SCAF4: variants seen among roughly 807,000 people sequenced by gnomAD.
SCAF4 encodes the protein SR-related and CTD-associated factor 4.
SCAF4 carries 25 observed loss-of-function variants against 129.8 expected under a neutral mutation model. The observed-to-expected ratio is 0.19, with a 90% CI of 0.14 to 0.27. The LOEUF is 0.27. Ranked by LOEUF, SCAF4 falls within the 10% of genes least tolerant of loss-of-function variation. The probability of loss-of-function intolerance (pLI) is 1.00; values close to 1 mark genes in which losing one functional copy is unlikely to be tolerated. For missense variants in SCAF4, 1,246 were observed against 1,457.1 expected (o/e 0.86, Z 2.36); for synonymous variants, 551 against 497.7 (o/e 1.11, Z -1.43).
At chr21:31,706,207 G>A in intron 2 of SCAF4, 67 bp downstream of exon 2, 1 of 1,081,872 alleles carries the variant, frequency 9.2e-7, no homozygotes, top group Admixed American at 2.3e-5. Flanking sequence ...GACTTCTCAT[G>A]TTTAAAAGTA....
chr21:31,707,932 C>G (rs2050706163), intron 1 of SCAF4, among the ~76,000 whole-genome samples: 1 of 152,120 alleles, frequency 6.6e-6, no homozygotes, highest in South Asian at 2.1e-4. Flanking sequence ...CCATAAGATA[C>G]AGAAAACAGA....
intron 1 of SCAF4, among the ~76,000 whole-genome samples, chr21:31,712,477 CA>C (rs1361297400): frequency 1.3e-5 from 2 of 151,168 alleles, no homozygotes; most frequent in African/African-American, 4.9e-5. Context: ...CTCAGCCTCC[CA>C]AAGCGCTGGC....
At chr21:31,721,307 GTGATTTAACATTCAGCATCTTT>G (rs147124941) in intron 1 of SCAF4, among the ~76,000 whole-genome samples, 4,515 of 152,282 alleles carry the variant, frequency 0.03, 100 homozygotes, top group Non-Finnish European at 0.045. Context: ...CCTATCTAAA[GTGATTTAACATTCAGCATCTTT>G]TAATCAATGT....
At position 31,671,369 on chromosome 21, in the gene SCAF4, T is replaced by G; in HGVS notation, c.*30A>C. On this transcript the variant is annotated 3_prime_UTR_variant, in exon 20 of 20. Coordinates refer to ENST00000286835, the MANE Select transcript of SCAF4 (RefSeq NM_020706.2). The stretch of plus-strand genomic sequence containing the variant: ...CTCAAGCTCTACACTCCAGGAAGTG[T>G]CACTGTCACATTTTCACAAATTCCA... The G allele has an allele frequency of 1.9e-6, 3 of 1,600,682 alleles. No individual in the cohort carries two copies. Among genetic ancestry groups the G allele is most frequent in the Non-Finnish European group, 2.6e-6 (3 of 1,173,420 alleles).
Position 31,671,895 on chromosome 21 carries a change from A to T in SCAF4, c.2948T>A (p.Phe983Tyr). Reference protein sequence around the residue: ...PPPTQQQPQQFRNDNRQQFNS... With the variant: ...PPPTQQQPQQYRNDNRQQFNS... ...GAACTGCTGCCTGTTATCATTTCTAAACTGCTGTGGCTGCTGCTGTGTTGG... is the reference window on the plus strand; with the variant it reads ...GAACTGCTGCCTGTTATCATTTCTATACTGCTGTGGCTGCTGCTGTGTTGG... The change falls in exon 20 of 20, where the codon TTT becomes TAT. Residue 983 changes from phenylalanine to tyrosine, a missense_variant. Coordinates refer to ENST00000286835, the MANE Select transcript of SCAF4 (RefSeq NM_020706.2). The T allele has an allele frequency of 6.2e-7, 1 of 1,613,994 alleles. No homozygotes were observed. Among genetic ancestry groups the T allele is most frequent in the Non-Finnish European group, 8.5e-7 (1 of 1,179,948 alleles).
chr21:31,694,164 A>G (rs760932063), intron 11 of SCAF4, 40 bp downstream of exon 11: 1 of 1,100,914 alleles, frequency 9.1e-7, no homozygotes, highest in Admixed American at 1.9e-5. Context: ...TATGTCCCCT[A>G]AGATATACAG....
chr21:31,693,145 A>G, intron 12 of SCAF4, 149 bp downstream of exon 12: 1 of 614,050 alleles, frequency 1.6e-6, no homozygotes, highest in Non-Finnish European at 2.5e-6. Flanking sequence ...TACATCAATG[A>G]ATAAACAAGG....
At chr21:31,723,307 C>T (rs1288701906) in intron 1 of SCAF4, among the ~76,000 whole-genome samples, 1 of 151,826 alleles carries the variant, frequency 6.6e-6, no homozygotes, top group Non-Finnish European at 1.5e-5. Flanking sequence ...CAAAAATTGG[C>T]CGGGCCCGGT....
chr21:31,685,571 G>A lies in SCAF4; in HGVS notation c.2206C>T (p.Pro736Ser). The A allele has an allele frequency of 6.2e-7, 1 of 1,614,106 alleles. No homozygotes were observed. The highest frequency in any genetic ancestry group is 8.5e-7 in the Non-Finnish European group (1 of 1,180,006). Residue 736 changes from proline to serine, a missense_variant, in exon 17 of 20, where the codon CCA (proline) becomes TCA (serine). This residue lies in a region of SCAF4 where 468 missense variants were observed against 605.5 expected (regional missense o/e 0.77). Coordinates refer to ENST00000286835, the MANE Select transcript of SCAF4 (RefSeq NM_020706.2). ...RPGFNPMHLP[P>S]GFLPPGPPPP... ...GTTCACAGACAATTTAGTGTACCTGGTGGTAAATGCATTGGGTTGAATCCT... is the reference window on the plus strand; with the variant it reads ...GTTCACAGACAATTTAGTGTACCTGATGGTAAATGCATTGGGTTGAATCCT...
intron 19 of SCAF4, 83 bp downstream of exon 19, chr21:31,684,966 T>TA (rs918980795): frequency 3.0e-5 from 17 of 559,144 alleles, no homozygotes; most frequent in South Asian, 5.8e-5. Flanking sequence ...ATTGTTTTTT[T>TA]AAAAAAATCT....
Position 31,685,748 on chromosome 21 carries a change from A to G in SCAF4, c.2044-15T>C. On this transcript the variant is annotated splice_polypyrimidine_tract_variant and intron_variant, in intron 16 of 19. Transcript: ENST00000286835. ...TGTGGTGGGACCTAGAAAGAAAGAT[A>G]AAAGAATAAACCACCTATCTAGACA... is the stretch of plus-strand genomic sequence containing the variant. The G allele has an allele frequency of 1.3e-6, 2 of 1,557,574 alleles. No homozygotes were observed. Among genetic ancestry groups the G allele is most frequent in the Non-Finnish European group, 8.6e-7 (1 of 1,157,168 alleles).
chr21:31,692,054 T>G, intron 13 of SCAF4, 124 bp from the exon 14 acceptor site: 1 of 602,248 alleles, frequency 1.7e-6, no homozygotes, highest in Non-Finnish European at 2.9e-6. Context: ...AAGGTTAAAT[T>G]CATTTCTAAG....
chr21:31,713,306 A>G (rs1358122543), intron 1 of SCAF4, among the ~76,000 whole-genome samples: 1 of 152,190 alleles, frequency 6.6e-6, no homozygotes, highest in African/African-American at 2.4e-5. Context: ...ACTGCCCGAG[A>G]AATCTTGGCT....
At chr21:31,712,681 A>C (rs927743941) in intron 1 of SCAF4, among the ~76,000 whole-genome samples, 1 of 151,802 alleles carries the variant, frequency 6.6e-6, no homozygotes, top group African/African-American at 2.4e-5. Flanking sequence ...GGCGCCTGCC[A>C]CCATGCCTGG....
At chr21:31,710,171 T>C (rs1299013657) in intron 1 of SCAF4, among the ~76,000 whole-genome samples, 1 of 151,992 alleles carries the variant, frequency 6.6e-6, no homozygotes, top group Non-Finnish European at 1.5e-5. Flanking sequence ...ATCTTGAATG[T>C]GTAAGAGATC....
At chr21:31,693,541 T>A in intron 11 of SCAF4, 57 bp from the exon 12 acceptor site, 1 of 1,164,216 alleles carries the variant, frequency 8.6e-7, no homozygotes, top group Non-Finnish European at 1.2e-6. Context: ...CCAGAAAATA[T>A]AAGCACATAC....
At chr21:31,680,717 G>A (rs1175310256) in intron 19 of SCAF4, among the ~76,000 whole-genome samples, 1 of 152,124 alleles carries the variant, frequency 6.6e-6, no homozygotes, top group Non-Finnish European at 1.5e-5. Flanking sequence ...TAATGTCAGT[G>A]GCTAACTAGT....
intron 13 of SCAF4, 63 bp from the exon 14 acceptor site, chr21:31,691,993 C>A (rs2050271471): frequency 1.2e-6 from 1 of 823,342 alleles, no homozygotes; most frequent in Non-Finnish European, 2.0e-6. Context: ...AGATACAACA[C>A]CAAGTAAGCA....
At chr21:31,726,710 T>C (rs2051214153) in intron 1 of SCAF4, among the ~76,000 whole-genome samples, 1 of 152,202 alleles carries the variant, frequency 6.6e-6, no homozygotes, top group Non-Finnish European at 1.5e-5. Context: ...TGAGAACAGC[T>C]GTCCTACAGA....
Sources: allele counts gnomAD v4.1 joint callset (sites outside exome capture counted in the v4.1 genomes callset), GRCh38; gene constraint gnomAD v4.1.1; regional missense constraint gnomAD v4.1.1; transcripts MANE v1.5; gene names NCBI Gene and HGNC (gene_info 2026-07-23, HGNC 2026-07-21).